The following LPP variants were observed in gnomAD, a reference collection of about 807,000 sequenced individuals.
LPP encodes the protein LIM domain containing preferred translocation partner in lipoma, also known as lipoma-preferred partner.
A neutral mutation model predicts 60.4 loss-of-function variants in LPP; 38 were observed. The observed-to-expected ratio is 0.63, with a 90% CI of 0.49 to 0.83. The LOEUF is 0.83. Ranked by LOEUF, LPP falls within the 40% of genes least tolerant of loss-of-function variation. The pLI is 0.00. For missense variants in LPP, 902 were observed against 783.6 expected (o/e 1.15, Z -1.80); for synonymous variants, 328 against 290.8 (o/e 1.13, Z -1.30).
chr3:188,270,133 G>A (rs1471231281), intron 2 of LPP, among the ~76,000 whole-genome samples: 1 of 152,148 alleles, frequency 6.6e-6, no homozygotes, highest in Admixed American at 6.5e-5. Context: ...GATTGCCTGA[G>A]AATAGGCAAA....
intron 2 of LPP, among the ~76,000 whole-genome samples, chr3:188,269,675 G>GTGTC (rs1217593914): frequency 6.6e-6 from 1 of 151,502 alleles, no homozygotes; most frequent in Non-Finnish European, 1.5e-5. Flanking sequence ...GTGTGTGTGT[G>GTGTC]TGTGTCACTC....
chr3:188,438,186 C>CA (rs1385100897), intron 4 of LPP, among the ~76,000 whole-genome samples: 2 of 152,062 alleles, frequency 1.3e-5, no homozygotes, highest in East Asian at 3.9e-4. Flanking sequence ...ACTGACCAAA[C>CA]AGACAGGTTG....
chr3:188,616,426 T>G (rs1235230084), intron 7 of LPP, among the ~76,000 whole-genome samples: 2 of 152,294 alleles, frequency 1.3e-5, no homozygotes, highest in East Asian at 3.9e-4. Context: ...GAGGTCTCTG[T>G]TCTGTTTCAT....
At chr3:188,165,425 CAT>C (rs1274881887) in intron 1 of LPP, among the ~76,000 whole-genome samples, 5 of 152,178 alleles carry the variant, frequency 3.3e-5, no homozygotes, top group East Asian at 1.9e-4. Flanking sequence ...AAGTGGGAGA[CAT>C]AACATGGATA....
intron 4 of LPP, among the ~76,000 whole-genome samples, chr3:188,479,049 C>T (rs1804015744): frequency 6.6e-6 from 1 of 152,072 alleles, no homozygotes; most frequent in South Asian, 2.1e-4. Context: ...ATGCACCCAG[C>T]CACTAGTTAC....
At chr3:188,297,281 C>G (rs1193972099) in intron 2 of LPP, among the ~76,000 whole-genome samples, 1 of 152,192 alleles carries the variant, frequency 6.6e-6, no homozygotes, top group Non-Finnish European at 1.5e-5. Context: ...GAAATAACAA[C>G]CACCCCTCAG....
intron 2 of LPP, among the ~76,000 whole-genome samples, chr3:188,324,984 T>C (rs1032979596): frequency 6.6e-6 from 1 of 152,090 alleles, no homozygotes; most frequent in African/African-American, 2.4e-5. Flanking sequence ...TTTTTTTCTT[T>C]CTTTATTTTT....
chr3:188,758,780 T>G (rs922341298), intron 8 of LPP: 2 of 152,152 alleles, frequency 1.3e-5, no homozygotes, highest in Non-Finnish European at 2.9e-5. Flanking sequence ...TAATATAGCA[T>G]AGTGTTTAAG....
intron 1 of LPP, among the ~76,000 whole-genome samples, chr3:188,176,063 A>G (rs1280817659): frequency 6.6e-6 from 1 of 152,180 alleles, no homozygotes; most frequent in African/African-American, 2.4e-5. Context: ...TTGAATTGAG[A>G]AAGCATAAGG....
At chr3:188,669,385 A>G (rs150665729) in intron 7 of LPP, among the ~76,000 whole-genome samples, 3,737 of 152,004 alleles carry the variant, frequency 0.025, 118 homozygotes, top group Admixed American at 0.087. Context: ...GACCATCCTG[A>G]CTAACATGGT....
intron 9 of LPP, among the ~76,000 whole-genome samples, chr3:188,852,376 C>T (rs1762874802): frequency 1.3e-5 from 2 of 152,126 alleles, no homozygotes; most frequent in Non-Finnish European, 2.9e-5. Flanking sequence ...TTGGGATAAC[C>T]TAACTTCTTA....
chr3:188,769,451 G>C (rs968854684), intron 9 of LPP, among the ~76,000 whole-genome samples: 1 of 152,198 alleles, frequency 6.6e-6, no homozygotes, highest in Non-Finnish European at 1.5e-5. Flanking sequence ...GAGAGGCACA[G>C]ACCTGTAAGT....
At chr3:188,464,870 C>A (rs189312417) in intron 4 of LPP, among the ~76,000 whole-genome samples, 163 of 151,592 alleles carry the variant, frequency 1.1e-3, no homozygotes, top group African/African-American at 3.7e-3. Context: ...TGGGATGAAT[C>A]TCCATTCTGA....
chr3:188,404,514 G>A (rs1180503057), intron 3 of LPP, among the ~76,000 whole-genome samples: 1 of 152,152 alleles, frequency 6.6e-6, no homozygotes, highest in Non-Finnish European at 1.5e-5. Flanking sequence ...AAAGTGCTCG[G>A]ATTAGAGGCG....
intron 11 of LPP, 39 bp downstream of exon 11, chr3:188,872,802 C>T (rs1292812831): frequency 1.2e-6 from 2 of 1,612,840 alleles, no homozygotes; most frequent in East Asian, 2.2e-5. Context: ...CTGTGGCAGG[C>T]GTTGAAAGGC....
chr3:188,606,773 A>G (rs559419603), intron 6 of LPP, among the ~76,000 whole-genome samples: 5 of 152,302 alleles, frequency 3.3e-5, no homozygotes, highest in African/African-American at 1.2e-4. Context: ...TTTCTCGTCA[A>G]TAATGCCAGT....
chr3:188,523,990 G>A (rs886084996), intron 5 of LPP, among the ~76,000 whole-genome samples: 23 of 152,124 alleles, frequency 1.5e-4, no homozygotes, highest in African/African-American at 5.6e-4. Flanking sequence ...CTACTCTCCT[G>A]TTGATTCTGA....
chr3:188,683,556 T>C (rs1413846977), intron 7 of LPP, among the ~76,000 whole-genome samples: 1 of 152,202 alleles, frequency 6.6e-6, no homozygotes, highest in Non-Finnish European at 1.5e-5. Flanking sequence ...AAATAGTCTG[T>C]AGGAGTTGCT....
intron 8 of LPP, among the ~76,000 whole-genome samples, chr3:188,728,012 T>A (rs551784075): frequency 6.6e-5 from 10 of 152,294 alleles, no homozygotes; most frequent in African/African-American, 2.4e-4. Context: ...CATAGATTGT[T>A]AAGGCTGGAG....
Sources: allele counts gnomAD v4.1 joint callset (sites outside exome capture counted in the v4.1 genomes callset), GRCh38; gene constraint gnomAD v4.1.1; transcripts MANE v1.5; gene names NCBI Gene and HGNC (gene_info 2026-07-23, HGNC 2026-07-21).